Variants in SUGP1 observed in about 807,000 individuals in gnomAD.
The protein encoded by SUGP1 is SURP and G-patch domain containing 1, also known as SURP and G-patch domain-containing protein 1.
SUGP1 carries 34 observed loss-of-function variants against 76.5 expected under a neutral mutation model. The observed-to-expected ratio is 0.44, with a 90% CI of 0.34 to 0.59. The LOEUF is 0.59. Ranked by LOEUF, SUGP1 falls within the 20% of genes least tolerant of loss-of-function variation. SUGP1 has a pLI of 0.01. For missense variants in SUGP1, 752 were observed against 851.7 expected (o/e 0.88, Z 1.46); for synonymous variants, 326 against 326.2 (o/e 1.00, Z 0.01).
At chr19:19,296,354 G>A (rs887034099) in intron 8 of SUGP1, among the ~76,000 whole-genome samples, 3 of 151,712 alleles carry the variant, frequency 2.0e-5, no homozygotes, top group Admixed American at 1.3e-4. Flanking sequence ...TCAGGAGTTC[G>A]AAACCAGCCT....
chr19:19,312,989 C>CA lies in SUGP1; in HGVS notation c.207-2790dup, dbSNP rs1001316687. Among the ~76,000 whole-genome samples, 333 of 134,430 alleles carry CA rather than the reference C, an allele frequency of 2.5e-3. 2 individuals carry two copies. Among genetic ancestry groups the CA allele is most frequent in the African/African-American group, 8.2e-3 (295 of 36,088 alleles). The allele number at this position is 134,430 out of a possible 152,430, so 88.2% of individuals were successfully genotyped here. A position where few individuals can be genotyped will look rare whatever the true frequency, so the allele number is the denominator to read the frequency against. On this transcript the variant is annotated intron_variant, in intron 2 of 13. Coordinates refer to ENST00000247001, the MANE Select transcript of SUGP1 (RefSeq NM_172231.4). ...TGGGCAACAGCGCAAGACTCCATCTCAAAAAAAAAATAAATAAATAAAATA... is the reference window on the plus strand; with the variant it reads ...TGGGCAACAGCGCAAGACTCCATCTCAAAAAAAAAAATAAATAAATAAAATA...
At chr19:19,282,874 G>A (rs8100097) in intron 8 of SUGP1, among the ~76,000 whole-genome samples, 16,990 of 152,162 alleles carry the variant, frequency 0.11, 1,258 homozygotes, top group Middle Eastern at 0.27. Context: ...TCAGAAGATC[G>A]AGACCATCCT....
intron 2 of SUGP1, among the ~76,000 whole-genome samples, chr19:19,313,446 C>T (rs2061367071): frequency 6.6e-6 from 1 of 152,152 alleles, no homozygotes; most frequent in South Asian, 2.1e-4. Flanking sequence ...AGCAGTGGCT[C>T]ACACCTGTAA....
rs544106032 is a variant in SUGP1, at chr19:19,308,235, T to C, written c.310+1862A>G. 5.3e-5 allele frequency among the ~76,000 whole-genome samples: 8 copies of C among 151,806 alleles called. No individual in the cohort carries two copies. In the East Asian group the frequency reaches 1.2e-3, roughly 22 times the overall value. The stretch of plus-strand genomic sequence containing the variant: ...TTTTTGTAGAGAGGAGACTTAGCCA[T>C]GTTGCCCAGGCTGGTCTTGAATTCC... On this transcript the variant is annotated intron_variant, in intron 3 of 13. Transcript: ENST00000247001.
At chr19:19,302,568 C>T in intron 6 of SUGP1, 180 bp from the exon 7 acceptor site, 1 of 867,558 alleles carries the variant, frequency 1.2e-6, no homozygotes, top group Non-Finnish European at 1.7e-6. Flanking sequence ...CACCTCAAGC[C>T]CCCACCCCCG....
At chr19:19,295,670 A>G (rs2061219873) in intron 8 of SUGP1, among the ~76,000 whole-genome samples, 2 of 150,250 alleles carry the variant, frequency 1.3e-5, no homozygotes, top group Admixed American at 1.3e-4. Context: ...AGATCGTGCC[A>G]CTTGCACTGC....
At chr19:19,279,746 G>A (rs539180439) in intron 9 of SUGP1, among the ~76,000 whole-genome samples, 5 of 152,328 alleles carry the variant, frequency 3.3e-5, no homozygotes, top group East Asian at 3.9e-4. Context: ...AGCCAACACC[G>A]ACACTGCCCA....
intron 12 of SUGP1, among the ~76,000 whole-genome samples, chr19:19,277,315 C>T (rs972507807): frequency 3.6e-4 from 54 of 151,302 alleles, no homozygotes; most frequent in African/African-American, 1.2e-3. Flanking sequence ...TGCAAGTTGT[C>T]GCAGCTCTTG....
intron 8 of SUGP1, among the ~76,000 whole-genome samples, chr19:19,294,209 A>AGC (rs1300001753): frequency 2.0e-5 from 3 of 150,822 alleles, no homozygotes; most frequent in Non-Finnish European, 4.4e-5. Flanking sequence ...AAAAGAATAA[A>AGC]GTTGGAAAAA....
chr19:19,303,878 A>C (rs2061293324), intron 4 of SUGP1, 31 bp from the exon 5 acceptor site: 1 of 1,612,854 alleles, frequency 6.2e-7, no homozygotes, highest in Non-Finnish European at 8.5e-7. Context: ...CTGGGGTTCA[A>C]CTCACACACC....
In SUGP1 at chr19:19,277,015, C is replaced by T. The variant is rs755987704; in HGVS notation, c.1843G>A (p.Glu615Lys). 1 of 1,612,972 alleles carries T rather than the reference C, an allele frequency of 6.2e-7. No homozygotes were observed. Among genetic ancestry groups the T allele is most frequent in the Non-Finnish European group, 8.5e-7 (1 of 1,180,014 alleles). ...GIDRPAELSK[E>K]DDEYEAFRKR... Reference sequence around the variant, plus strand: ...CGGAACGCCTCATACTCGTCGTCCTCCTTGGAGAGCTCCGCCGGCCGGTCA... The same window carrying T: ...CGGAACGCCTCATACTCGTCGTCCTTCTTGGAGAGCTCCGCCGGCCGGTCA... Residue 615 changes from glutamate (E) to lysine (K), a missense_variant, in exon 13 of 14, where the codon GAG becomes AAG. Physicochemically the swap from Glu to Lys is moderately conservative, Grantham distance 56. Coordinates refer to ENST00000247001, the MANE Select transcript of SUGP1 (RefSeq NM_172231.4).
chr19:19,276,409 G>A lies in SUGP1; in HGVS notation c.*239C>T, dbSNP rs1568615065. The A allele has an allele frequency of 3.8e-6, 2 of 521,000 alleles. No individual in the cohort carries two copies. Among genetic ancestry groups the A allele is most frequent in the South Asian group, 4.4e-5 (2 of 45,126 alleles). The allele number at this position is 521,000 out of a possible 1,614,324, so 32.3% of individuals were successfully genotyped here. On this transcript the variant is annotated 3_prime_UTR_variant, in exon 14 of 14. Coordinates refer to ENST00000247001, the MANE Select transcript of SUGP1 (RefSeq NM_172231.4). ...CCTCCCCTCCAGTGCAACCCAGGCT[G>A]AGCGGGGATGGAGACTCCACAGGCC...
chr19:19,312,926 C>A (rs1052648644), intron 2 of SUGP1, among the ~76,000 whole-genome samples: 3 of 151,030 alleles, frequency 2.0e-5, no homozygotes, highest in African/African-American at 7.3e-5. Context: ...GGAGGCAGAG[C>A]CTGCAGTGAG....
intron 8 of SUGP1, among the ~76,000 whole-genome samples, chr19:19,285,113 C>T (rs555129987): frequency 3.3e-5 from 5 of 152,116 alleles, no homozygotes; most frequent in East Asian, 3.9e-4. Flanking sequence ...GTGATCCGCC[C>T]GCCTCGGCCT....
chr19:19,286,665 T>C (rs2146597698), intron 8 of SUGP1, among the ~76,000 whole-genome samples: 1 of 152,282 alleles, frequency 6.6e-6, no homozygotes, highest in East Asian at 1.9e-4. Flanking sequence ...GGGAGATCAC[T>C]TGAGACCAGG....
At chr19:19,278,637 C>A (rs935903847) in intron 11 of SUGP1, 53 bp downstream of exon 11, 4 of 1,521,232 alleles carry the variant, frequency 2.6e-6, no homozygotes, top group Non-Finnish European at 3.6e-6. Context: ...GAGGCAGCTA[C>A]AGGAGGGGCT....
At chr19:19,296,539 C>G (rs954169950) in intron 8 of SUGP1, among the ~76,000 whole-genome samples, 2 of 151,468 alleles carry the variant, frequency 1.3e-5, no homozygotes, top group African/African-American at 4.9e-5. Flanking sequence ...CCCAGCTACT[C>G]AGGAGGCTGA....
At chr19:19,284,290 A>G (rs2061122647) in intron 8 of SUGP1, among the ~76,000 whole-genome samples, 1 of 152,156 alleles carries the variant, frequency 6.6e-6, no homozygotes, top group Non-Finnish European at 1.5e-5. Context: ...GCAAGACTCC[A>G]TCTCAAAAAA....
intron 8 of SUGP1, among the ~76,000 whole-genome samples, chr19:19,291,518 C>A (rs1051402678): frequency 6.6e-6 from 1 of 152,068 alleles, no homozygotes; most frequent in East Asian, 1.9e-4. Context: ...CCTAGAAACA[C>A]AAACCATCAA....
Sources: allele counts gnomAD v4.1 joint callset (sites outside exome capture counted in the v4.1 genomes callset), GRCh38; gene constraint gnomAD v4.1.1; transcripts MANE v1.5; gene names NCBI Gene and HGNC (gene_info 2026-07-23, HGNC 2026-07-21).